ACAD9: variants seen among roughly 807,000 people sequenced by gnomAD.
ACAD9 encodes acyl-CoA dehydrogenase family member 9, also known as complex I assembly factor ACAD9, mitochondrial.
In ACAD9, 53 loss-of-function variants were observed where a neutral mutation model predicts 70.2. The ratio of observed to expected loss-of-function variants is 0.75; its 90% CI spans 0.61 to 0.95. The LOEUF (loss-of-function observed/expected upper bound fraction) is 0.95, where lower values mean the gene tolerates loss of function less well. ACAD9 is among the 40% of genes least tolerant of loss of function. The probability of loss-of-function intolerance (pLI) is 0.00; values close to 1 mark genes in which losing one functional copy is unlikely to be tolerated. For missense variants in ACAD9, 777 were observed against 802.8 expected, an observed-to-expected ratio of 0.97 and a Z score of 0.39; for synonymous variants, 313 against 312.1, an observed-to-expected ratio of 1.00 and a Z score of -0.03.
At chr3:128,898,956 A>G (rs745410059) in intron 6 of ACAD9, among the ~76,000 whole-genome samples, 17 of 152,182 alleles carry the variant, frequency 1.1e-4, no homozygotes, top group African/African-American at 3.9e-4. Context: ...TTATATATGT[A>G]TACCTTAAGA....
Position 128,884,709 on chromosome 3 carries a change from G to C in ACAD9, c.207G>C (p.Gln69His), listed in dbSNP as rs1171854557. ...AAGATGAACTTAATGAAATCAATCA[G>C]TTCTTGGGACCCGTGGAAAAATTCT... ...VSQDELNEINQFLGPVEKFFT... is the reference protein window; with the variant it reads ...VSQDELNEINHFLGPVEKFFT... The change falls in exon 2 of 18, where the codon CAG (glutamine) becomes CAC (histidine). Residue 69 changes from glutamine to histidine, a missense_variant. By Grantham distance (24) the Gln-to-His change is conservative. Coordinates refer to ENST00000308982, the MANE Select transcript of ACAD9 (RefSeq NM_014049.5). 2 of 1,613,578 alleles carry C rather than the reference G, an allele frequency of 1.2e-6. No individual in the cohort carries two copies. Among genetic ancestry groups the C allele is most frequent in the South Asian group, 1.1e-5 (1 of 91,034 alleles).
intron 6 of ACAD9, 33 bp from the exon 7 acceptor site, chr3:128,899,254 G>A (rs779955925): frequency 6.2e-7 from 1 of 1,612,368 alleles, no homozygotes; most frequent in South Asian, 1.1e-5. Flanking sequence ...ATAGGGGTTT[G>A]GTTTTCTCCA....
At chr3:128,901,210 T>C in intron 7 of ACAD9, 66 bp from the exon 8 acceptor site, 1 of 1,420,194 alleles carries the variant, frequency 7.0e-7, no homozygotes, top group East Asian at 2.4e-5. Context: ...ATGAATTGCC[T>C]GCTTGCAGGT....
chr3:128,910,884 T>G (rs779489971), intron 17 of ACAD9, 71 bp downstream of exon 17: 2 of 1,558,758 alleles, frequency 1.3e-6, no homozygotes, highest in Non-Finnish European at 1.8e-6. Flanking sequence ...GAGCTGTTTC[T>G]GGACCCTGTC....
intron 5 of ACAD9, among the ~76,000 whole-genome samples, chr3:128,897,355 T>C (rs754581374): frequency 6.6e-6 from 1 of 152,164 alleles, no homozygotes; most frequent in Non-Finnish European, 1.5e-5. Context: ...CTAATTTTTG[T>C]ATTTTTAGTA....
At chr3:128,901,774 C>A (rs1935747030) in intron 8 of ACAD9, among the ~76,000 whole-genome samples, 1 of 152,204 alleles carries the variant, frequency 6.6e-6, no homozygotes, top group Admixed American at 6.5e-5. Flanking sequence ...AATATTATTT[C>A]AGTGGTTTTT....
intron 2 of ACAD9, among the ~76,000 whole-genome samples, chr3:128,885,716 A>G (rs1935224931): frequency 6.6e-6 from 1 of 151,636 alleles, no homozygotes; most frequent in Non-Finnish European, 1.5e-5. Context: ...AAAACTGAGA[A>G]ATTTAAAATA....
intron 8 of ACAD9, among the ~76,000 whole-genome samples, chr3:128,901,589 G>A (rs1935741937): frequency 6.6e-6 from 1 of 152,216 alleles, no homozygotes; most frequent in African/African-American, 2.4e-5. Flanking sequence ...GCCTCGAGCG[G>A]AGGCTAAGAT....
intron 5 of ACAD9, among the ~76,000 whole-genome samples, chr3:128,896,782 A>G (rs1449423131): frequency 1.3e-5 from 2 of 152,224 alleles, no homozygotes; most frequent in Non-Finnish European, 2.9e-5. Context: ...GTGGTTTACA[A>G]CACACCTTGA....
chr3:128,912,747 C>T lies in ACAD9; in HGVS notation c.*140C>T, dbSNP rs1936485650. 1 of 848,588 alleles carries T rather than the reference C, an allele frequency of 1.2e-6. No individual in the cohort carries two copies. Among genetic ancestry groups the T allele is most frequent in the Non-Finnish European group, 2.0e-6 (1 of 496,422 alleles). The allele number at this position is 848,588 out of a possible 1,614,324, so 52.6% of individuals were successfully genotyped here. On this transcript the variant is annotated 3_prime_UTR_variant, in exon 18 of 18. Coordinates refer to ENST00000308982, the MANE Select transcript of ACAD9 (RefSeq NM_014049.5). ...CCCGTCTGCACCTGAAGGGTTGTCG[C>T]CTGGCCTGGGAGAGCCTCTTCCAGG...
chr3:128,890,245 T>C (rs1428679688), intron 2 of ACAD9, among the ~76,000 whole-genome samples: 2 of 152,052 alleles, frequency 1.3e-5, no homozygotes, highest in African/African-American at 4.8e-5. Flanking sequence ...CCACCACATC[T>C]GGCTAATTTT....
chr3:128,896,422 T>C lies in ACAD9; in HGVS notation c.454-14T>C. On this transcript the variant is annotated splice_polypyrimidine_tract_variant and intron_variant, in intron 4 of 17. Coordinates refer to ENST00000308982, the MANE Select transcript of ACAD9 (RefSeq NM_014049.5). ...TCCCCACAGCTGACATTAGTCTGTGTCTGTTTTGTTTAGGGGATCATCTTG... is the reference window on the plus strand; with the variant it reads ...TCCCCACAGCTGACATTAGTCTGTGCCTGTTTTGTTTAGGGGATCATCTTG... 6.2e-7 allele frequency: 1 copy of C among 1,613,150 alleles called. No individual in the cohort carries two copies. Among genetic ancestry groups the C allele is most frequent in the Non-Finnish European group, 8.5e-7 (1 of 1,179,074 alleles).
At chr3:128,882,689 CTCAG>C (rs1935127793) in intron 1 of ACAD9, among the ~76,000 whole-genome samples, 1 of 152,192 alleles carries the variant, frequency 6.6e-6, no homozygotes, top group Non-Finnish European at 1.5e-5. Context: ...TATCAGCAGT[CTCAG>C]TCAGAGCCGC....
intron 13 of ACAD9, 66 bp downstream of exon 13, chr3:128,908,330 C>G: frequency 6.3e-7 from 1 of 1,580,532 alleles, no homozygotes; most frequent in South Asian, 1.1e-5. Flanking sequence ...CAGTCCAGGG[C>G]AGTGGGAGGA....
At chr3:128,904,170 G>A in intron 10 of ACAD9, 38 bp downstream of exon 10, 1 of 1,598,678 alleles carries the variant, frequency 6.3e-7, no homozygotes, top group Non-Finnish European at 8.6e-7. Flanking sequence ...GCATTTCACT[G>A]TGTGACATGA....
intron 10 of ACAD9, 41 bp from the exon 11 acceptor site, chr3:128,904,345 C>G (rs745470957): frequency 6.2e-7 from 1 of 1,614,158 alleles, no homozygotes; most frequent in South Asian, 1.1e-5. Flanking sequence ...TGGCTCTCAG[C>G]ACATGCAAAT....
At chr3:128,893,479 A>T in intron 2 of ACAD9, 76 bp from the exon 3 acceptor site, 1 of 1,149,856 alleles carries the variant, frequency 8.7e-7, no homozygotes. Context: ...TGATTAATAT[A>T]TAAACACTGT....
chr3:128,906,558 C>A (rs1288101992), intron 12 of ACAD9, among the ~76,000 whole-genome samples: 1 of 152,154 alleles, frequency 6.6e-6, no homozygotes, highest in Non-Finnish European at 1.5e-5. Context: ...TGTAAAGAGG[C>A]AGGGAGCGGG....
At chr3:128,909,247 C>T in intron 14 of ACAD9, 97 bp from the exon 15 acceptor site, 2 of 1,598,546 alleles carry the variant, frequency 1.3e-6, no homozygotes, top group Non-Finnish European at 1.7e-6. Flanking sequence ...GGATTGCTTC[C>T]CCCAGATGGG....
Sources: allele counts gnomAD v4.1 joint callset (sites outside exome capture counted in the v4.1 genomes callset), GRCh38; gene constraint gnomAD v4.1.1; transcripts MANE v1.5; gene names NCBI Gene and HGNC (gene_info 2026-07-23, HGNC 2026-07-21).